SSH2: variants seen among roughly 807,000 people sequenced by gnomAD.
The protein encoded by SSH2 is slingshot protein phosphatase 2, also known as protein phosphatase Slingshot homolog 2.
Under a neutral mutation model 135.2 loss-of-function variants are expected in SSH2, and 37 were observed. The observed-to-expected ratio is 0.27, with a 90% CI of 0.21 to 0.36. The LOEUF is 0.36. Ranked by LOEUF, SSH2 falls within the 10% of genes least tolerant of loss-of-function variation. SSH2 has a pLI of 1.00. For missense variants in SSH2, 1,408 were observed against 1,765.3 expected (o/e 0.80, Z 3.63); for synonymous variants, 628 against 646.2 (o/e 0.97, Z 0.43).
At chr17:29,658,079 C>A (rs994349823) in intron 11 of SSH2, among the ~76,000 whole-genome samples, 1 of 151,278 alleles carries the variant, frequency 6.6e-6, no homozygotes, top group African/African-American at 2.4e-5. Context: ...TCTCGGCTCA[C>A]CGCAACCTCT....
intron 1 of SSH2, 103 bp from the exon 2 acceptor site, chr17:29,849,032 G>A (rs756744071): frequency 5.5e-5 from 37 of 673,892 alleles, no homozygotes; most frequent in Non-Finnish European, 8.4e-5. Flanking sequence ...TTAGCTCACA[G>A]GTGAGAAGCT....
At chr17:29,738,767 G>T (rs1193508435) in intron 3 of SSH2, among the ~76,000 whole-genome samples, 1 of 151,814 alleles carries the variant, frequency 6.6e-6, no homozygotes, top group Non-Finnish European at 1.5e-5. Flanking sequence ...TGTTAGCCAG[G>T]ATGGTCTCAA....
At chr17:29,898,686 A>T (rs1260504461) in intron 1 of SSH2, among the ~76,000 whole-genome samples, 1 of 152,192 alleles carries the variant, frequency 6.6e-6, no homozygotes, top group Non-Finnish European at 1.5e-5. Context: ...TTCACAGCCA[A>T]ATTCTACCAG....
At chr17:29,883,698 T>C (rs2066181117) in intron 1 of SSH2, among the ~76,000 whole-genome samples, 1 of 152,170 alleles carries the variant, frequency 6.6e-6, no homozygotes. Context: ...GCCTAACTTC[T>C]CCTGTTCCAG....
chr17:29,810,987 G>A (rs1247019889), intron 2 of SSH2, among the ~76,000 whole-genome samples: 2 of 151,898 alleles, frequency 1.3e-5, no homozygotes, highest in Non-Finnish European at 2.9e-5. Context: ...TGTGGCCCAA[G>A]AAAATTCTTT....
chr17:29,782,702 C>G (rs1432815540), intron 3 of SSH2, among the ~76,000 whole-genome samples: 3 of 152,204 alleles, frequency 2.0e-5, no homozygotes, highest in African/African-American at 7.2e-5. Context: ...TCTCCTGCCT[C>G]AGCCTCCCAA....
chr17:29,836,120 A>G (rs2042940110), intron 2 of SSH2, among the ~76,000 whole-genome samples: 1 of 152,096 alleles, frequency 6.6e-6, no homozygotes, highest in Non-Finnish European at 1.5e-5. Flanking sequence ...GTGAGTCACA[A>G]CCCTGGGGTG....
intron 1 of SSH2, among the ~76,000 whole-genome samples, chr17:29,922,382 C>T (rs1034207929): frequency 8.3e-5 from 10 of 121,152 alleles, no homozygotes; most frequent in African/African-American, 1.3e-4. Context: ...ATCGAGGGTA[C>T]ACAAACTGAA....
At chr17:29,708,060 A>T (rs2039279431) in intron 3 of SSH2, among the ~76,000 whole-genome samples, 1 of 152,350 alleles carries the variant, frequency 6.6e-6, no homozygotes. Flanking sequence ...GAAGTGATAA[A>T]ACAAAATTTA....
chr17:29,761,384 C>G (rs1598956653), intron 3 of SSH2: 1 of 1,064,074 alleles, frequency 9.4e-7, no homozygotes, highest in Non-Finnish European at 1.1e-6. Flanking sequence ...CGCCGGGTCG[C>G]GCGGAGGCAG....
Position 29,631,525 on chromosome 17 carries a change from A to C in SSH2, c.3669T>G (p.Thr1223=), listed in dbSNP as rs1002030126. 2 of 1,614,144 alleles carry C rather than the reference A, an allele frequency of 1.2e-6. No individual in the cohort carries two copies. Among genetic ancestry groups the C allele is most frequent in the Non-Finnish European group, 1.7e-6 (2 of 1,180,010 alleles). ...GGTCCATTTTCTCCTGTAACTCCCCAGTGTTGTCACCAAGTTTGCTAATTA... is the reference window on the plus strand; with the variant it reads ...GGTCCATTTTCTCCTGTAACTCCCCCGTGTTGTCACCAAGTTTGCTAATTA... ...LSLISKLGDN[T]GELQEKMDPL... The change falls in exon 16 of 16, where the codon ACT becomes ACG. Residue 1223 remains threonine (T), a synonymous_variant. Coordinates refer to ENST00000540801, the MANE Select transcript of SSH2 (RefSeq NM_001282129.2).
chr17:29,784,370 C>T (rs1253353690), intron 3 of SSH2, among the ~76,000 whole-genome samples: 1 of 136,826 alleles, frequency 7.3e-6, no homozygotes, highest in East Asian at 2.0e-4. Context: ...GGGCGACAGA[C>T]CAAGATTCCA....
At chr17:29,685,394 C>T (rs1179574618) in intron 5 of SSH2, among the ~76,000 whole-genome samples, 5 of 152,110 alleles carry the variant, frequency 3.3e-5, no homozygotes, top group African/African-American at 1.2e-4. Context: ...AGTGAAATGA[C>T]ATGGTTTCTG....
intron 2 of SSH2, among the ~76,000 whole-genome samples, chr17:29,839,396 C>T (rs1381191664): frequency 1.3e-5 from 2 of 152,242 alleles, no homozygotes; most frequent in African/African-American, 4.8e-5. Context: ...AGGTTTCTGG[C>T]TGGCAAAGCA....
intron 3 of SSH2, among the ~76,000 whole-genome samples, chr17:29,749,308 T>C (rs2040855917): frequency 1.3e-5 from 2 of 152,200 alleles, no homozygotes; most frequent in African/African-American, 4.8e-5. Context: ...GAGAAATTCA[T>C]CATTAGGCAA....
intron 2 of SSH2, among the ~76,000 whole-genome samples, chr17:29,796,327 T>G (rs1241481786): frequency 6.6e-6 from 1 of 152,230 alleles, no homozygotes; most frequent in Non-Finnish European, 1.5e-5. Flanking sequence ...ACCATCTAGA[T>G]TGTATCATTA....
chr17:29,773,699 T>G (rs542173374), intron 3 of SSH2, among the ~76,000 whole-genome samples: 1 of 152,352 alleles, frequency 6.6e-6, no homozygotes, highest in African/African-American at 2.4e-5. Flanking sequence ...TATTTTTAGA[T>G]GGAGTTTTGC....
At chr17:29,902,739 T>G (rs1277226644) in intron 1 of SSH2, among the ~76,000 whole-genome samples, 1 of 152,052 alleles carries the variant, frequency 6.6e-6, no homozygotes, top group Non-Finnish European at 1.5e-5. Flanking sequence ...AGAACACCCT[T>G]GCCTTCTTTA....
chr17:29,662,876 A>C (rs1322777047), intron 11 of SSH2, among the ~76,000 whole-genome samples: 2 of 152,166 alleles, frequency 1.3e-5, no homozygotes, highest in Non-Finnish European at 2.9e-5. Flanking sequence ...TAAAAGTTCT[A>C]TTTTTCAAAT....
Sources: allele counts gnomAD v4.1 joint callset (sites outside exome capture counted in the v4.1 genomes callset), GRCh38; gene constraint gnomAD v4.1.1; transcripts MANE v1.5; gene names NCBI Gene and HGNC (gene_info 2026-07-23, HGNC 2026-07-21).